Variants in HPSE2 observed in about 807,000 individuals in gnomAD.
The protein encoded by HPSE2 is inactive heparanase-2.
HPSE2 carries 38 observed loss-of-function variants against 60.5 expected under a neutral mutation model. That is an observed-to-expected ratio of 0.63 (90% CI 0.48 to 0.82). HPSE2 has a LOEUF of 0.82. HPSE2 is among the 40% of genes least tolerant of loss of function. The pLI is 0.00. For synonymous variants in HPSE2, 295 were observed against 293.2 expected (o/e 1.01, Z -0.06); for missense variants, 713 against 740.4 (o/e 0.96, Z 0.43).
intron 3 of HPSE2, among the ~76,000 whole-genome samples, chr10:99,112,446 T>C (rs566996287): frequency 0.012 from 1,804 of 151,818 alleles, 37 homozygotes; most frequent in African/African-American, 0.041. Flanking sequence ...TGTTTTGTTT[T>C]GTTTTGTTTT....
At chr10:99,017,262 T>C (rs1385328351) in intron 3 of HPSE2, among the ~76,000 whole-genome samples, 4 of 152,204 alleles carry the variant, frequency 2.6e-5, no homozygotes, top group Non-Finnish European at 5.9e-5. Context: ...TGGAAATCCT[T>C]TTCTGCATCT....
chr10:99,004,728 T>C (rs903561368), intron 3 of HPSE2, among the ~76,000 whole-genome samples: 2 of 152,202 alleles, frequency 1.3e-5, no homozygotes, highest in Admixed American at 6.5e-5. Context: ...TACTTACTTT[T>C]ACTAGTGAGT....
chr10:99,061,366 C>T (rs1842438492), intron 3 of HPSE2, among the ~76,000 whole-genome samples: 1 of 152,158 alleles, frequency 6.6e-6, no homozygotes, highest in Non-Finnish European at 1.5e-5. Context: ...CAAAATTTTC[C>T]AAAAGTTGCC....
Position 98,639,096 on chromosome 10 carries a change from T to C in HPSE2, c.1098+2751A>G, listed in dbSNP as rs1946573158. ...ACTTCAATGAACAGGATATGGCTAATGTGATGCCATGTGACTTCTGAGGGT... is the reference window on the plus strand; with the variant it reads ...ACTTCAATGAACAGGATATGGCTAACGTGATGCCATGTGACTTCTGAGGGT... On this transcript the variant is annotated intron_variant, in intron 7 of 11. Coordinates refer to ENST00000370552, the MANE Select transcript of HPSE2 (RefSeq NM_021828.5). 2.0e-5 allele frequency among the ~76,000 whole-genome samples: 3 copies of C among 152,332 alleles called. No homozygotes were observed. The Middle Eastern group carries it at 0.01, about 518-fold the overall frequency.
At chr10:99,305,349 A>G in the HPSE2 span, among the ~76,000 whole-genome samples, 1 of 152,210 alleles carries the variant, frequency 6.6e-6, no homozygotes, top group Non-Finnish European at 1.5e-5. Flanking sequence ...TCTCAATGAA[A>G]AGCCATGAAG....
chr10:98,872,454 C>A (rs1952759296), intron 3 of HPSE2, among the ~76,000 whole-genome samples: 1 of 152,030 alleles, frequency 6.6e-6, no homozygotes, highest in South Asian at 2.1e-4. Context: ...CACTTAGGAT[C>A]TTTTCTATTG....
intron 2 of HPSE2, among the ~76,000 whole-genome samples, chr10:99,229,112 T>C (rs951678732): frequency 1.3e-5 from 2 of 151,848 alleles, no homozygotes; most frequent in Admixed American, 1.3e-4. Flanking sequence ...AGGTAGAGAT[T>C]GCAGTAAATC....
rs73339431 is a variant in HPSE2, at chr10:99,038,191, T to A, written c.610+106047A>T. Among the ~76,000 whole-genome samples, 433 of 152,284 alleles carry A rather than the reference T, an allele frequency of 2.8e-3. 4 individuals are homozygous for A. Among genetic ancestry groups the A allele is most frequent in the African/African-American group, 9.7e-3 (404 of 41,564 alleles). ...CTCCTAAGGATTTATCCTTGAGAAA[T>A]GAAGACTATGTCCTCACAACAACAT... On this transcript the variant is annotated intron_variant, in intron 3 of 11. Transcript: ENST00000370552.
At chr10:99,261,446 G>C in the HPSE2 span, among the ~76,000 whole-genome samples, 1 of 152,158 alleles carries the variant, frequency 6.6e-6, no homozygotes, top group Admixed American at 6.5e-5. Flanking sequence ...CATAGTCAAG[G>C]TTAATGCTCC....
chr10:99,204,062 C>A (rs188109596), intron 2 of HPSE2, among the ~76,000 whole-genome samples: 24 of 152,296 alleles, frequency 1.6e-4, no homozygotes, highest in African/African-American at 5.5e-4. Flanking sequence ...ATCCAGGAGC[C>A]AGGTACATCC....
the HPSE2 span, among the ~76,000 whole-genome samples, chr10:99,265,907 C>T: frequency 6.2e-4 from 94 of 152,302 alleles, no homozygotes; most frequent in Non-Finnish European, 1.0e-3. Context: ...TTGACCTTAC[C>T]TGGAGCAGAG....
At chr10:98,933,101 A>C (rs1466654479) in intron 3 of HPSE2, among the ~76,000 whole-genome samples, 1 of 144,046 alleles carries the variant, frequency 6.9e-6, no homozygotes, top group Non-Finnish European at 1.5e-5. Flanking sequence ...GTGAGTATTT[A>C]GTACTATAGA....
chr10:98,865,651 T>G (rs1416945559), intron 3 of HPSE2, among the ~76,000 whole-genome samples: 1 of 152,104 alleles, frequency 6.6e-6, no homozygotes, highest in South Asian at 2.1e-4. Context: ...TTCTCAAATA[T>G]GTAGCAGAAT....
chr10:99,297,252 G>A, the HPSE2 span, among the ~76,000 whole-genome samples: 1 of 152,150 alleles, frequency 6.6e-6, no homozygotes, highest in Non-Finnish European at 1.5e-5. Context: ...AGCCCGGTGG[G>A]TTACCACCCA....
At chr10:98,575,254 A>G (rs532055194) in intron 9 of HPSE2, among the ~76,000 whole-genome samples, 1 of 152,288 alleles carries the variant, frequency 6.6e-6, no homozygotes, top group South Asian at 2.1e-4. Flanking sequence ...TTTAGAAAGA[A>G]TATCTGCTAT....
At chr10:99,090,128 G>A (rs1843461984) in intron 3 of HPSE2, among the ~76,000 whole-genome samples, 1 of 151,932 alleles carries the variant, frequency 6.6e-6, no homozygotes, top group South Asian at 2.1e-4. Context: ...AGTGACAATT[G>A]GGCTTCCTCT....
intron 9 of HPSE2, among the ~76,000 whole-genome samples, chr10:98,531,532 C>T (rs939355559): frequency 2.6e-5 from 4 of 152,110 alleles, no homozygotes; most frequent in Non-Finnish European, 4.4e-5. Flanking sequence ...AGTGCACGTG[C>T]GGGCTAATAA....
At chr10:98,877,791 C>A (rs1183337215) in intron 3 of HPSE2, among the ~76,000 whole-genome samples, 1 of 151,802 alleles carries the variant, frequency 6.6e-6, no homozygotes, top group Non-Finnish European at 1.5e-5. Flanking sequence ...AGCAGATATG[C>A]AATGAGGGAG....
At chr10:98,881,163 C>G (rs963490112) in intron 3 of HPSE2, among the ~76,000 whole-genome samples, 1 of 152,052 alleles carries the variant, frequency 6.6e-6, no homozygotes, top group African/African-American at 2.4e-5. Context: ...AGCAGCTGTG[C>G]AGGAAGAACA....
Sources: gnomAD v4.1 joint callset for allele counts (sites outside exome capture counted in the v4.1 genomes callset) on GRCh38, gnomAD v4.1.1 for gene constraint, MANE v1.5 for transcripts, NCBI Gene and HGNC (gene_info 2026-07-23, HGNC 2026-07-21) for gene names.